The following PCDH11X variants were observed in gnomAD, a reference collection of about 807,000 sequenced individuals.
PCDH11X encodes the protein protocadherin-11 X-linked.
A neutral mutation model predicts 53.3 loss-of-function variants in PCDH11X; 18 were observed. The ratio of observed to expected loss-of-function variants is 0.34; its 90% confidence interval spans 0.23 to 0.50. PCDH11X has a LOEUF of 0.50. Ranked by LOEUF, PCDH11X falls within the 20% of genes least tolerant of loss-of-function variation. The pLI, the probability that PCDH11X is intolerant of heterozygous loss-of-function variation, is 0.98. For missense variants in PCDH11X, 570 were observed against 1,032.4 expected (o/e 0.55, Z 6.14); for synonymous variants, 279 against 393.3 (o/e 0.71, Z 3.44).
intron 6 of PCDH11X, among the ~76,000 whole-genome samples, chrX:91,976,673 A>G (rs1343321172): frequency 1.8e-5 from 2 of 111,169 alleles, no homozygotes; most frequent in Non-Finnish European, 3.8e-5. Flanking sequence ...TCTTTCTTTT[A>G]TGCTATCTAG....
chrX:92,471,605 A>G (rs1242711254), intron 10 of PCDH11X, among the ~76,000 whole-genome samples: 2 of 111,524 alleles, frequency 1.8e-5, no homozygotes, highest in Admixed American at 9.6e-5. Flanking sequence ...AGAATGATTT[A>G]TATTCCTTTG....
intron 10 of PCDH11X, among the ~76,000 whole-genome samples, chrX:92,537,305 C>A (rs1156515265): frequency 1.9e-5 from 2 of 107,963 alleles, no homozygotes; most frequent in Non-Finnish European, 3.8e-5. Context: ...TTTTCCCCCC[C>A]AAAAGTGAAA....
chrX:92,409,161 G>A (rs1254599589), intron 9 of PCDH11X, among the ~76,000 whole-genome samples: 1 of 105,973 alleles, frequency 9.4e-6, no homozygotes, highest in African/African-American at 3.6e-5. Context: ...CTTGATTGAG[G>A]CTTTACTTAT....
rs765058906 is a variant in PCDH11X, at chrX:92,537,621, A to T, written c.3367+69299A>T. Among the ~76,000 whole-genome samples the T allele has an allele frequency of 2.9e-5, 3 of 102,513 alleles. No homozygotes were observed. In the South Asian group the frequency reaches 1.4e-3, roughly 49 times the overall value. The allele number at this position is 102,513 out of a possible 115,157, so 89.0% of individuals were successfully genotyped here. On this transcript the variant is annotated intron_variant, in intron 10 of 10. Transcript: ENST00000682573. Reference sequence around the variant, plus strand: ...CCTGACTTGAAATTATACCACAGAGATATATGAACCCAAATAGCATAACAC... The same window carrying T: ...CCTGACTTGAAATTATACCACAGAGTTATATGAACCCAAATAGCATAACAC...
chrX:92,249,832 C>T (rs2148396269), intron 7 of PCDH11X, among the ~76,000 whole-genome samples: 1 of 111,347 alleles, frequency 9.0e-6, no homozygotes, highest in Non-Finnish European at 1.9e-5. Flanking sequence ...ATGCAGGATT[C>T]GTAAAAAATC....
chrX:92,611,701 G>T lies in PCDH11X; in HGVS notation c.3368-6563G>T, dbSNP rs773903937. On this transcript the variant is annotated intron_variant, in intron 10 of 10. Coordinates refer to ENST00000682573, the MANE Select transcript of PCDH11X (RefSeq NM_032968.5). ...CTTCTAGTTTTTGCCTGTTTAGTAT[G>T]ATGTTGGCTGTGGGTTTGTCATAGA... is the stretch of plus-strand genomic sequence containing the variant. Among the ~76,000 whole-genome samples the T allele has an allele frequency of 3.8e-3, 388 of 102,497 alleles. 1 individual carries two copies. Among genetic ancestry groups the T allele is most frequent in the African/African-American group, 0.013 (369 of 27,839 alleles). The allele number at this position is 102,497 out of a possible 115,157, so 89.0% of individuals were successfully genotyped here.
chrX:92,190,195 G>A (rs1404915771), intron 6 of PCDH11X, among the ~76,000 whole-genome samples: 3 of 111,015 alleles, frequency 2.7e-5, no homozygotes, highest in Non-Finnish European at 5.7e-5. Context: ...TATAGTTTTG[G>A]GTTTTACATA....
chrX:92,410,349 G>A (rs1330610229), intron 9 of PCDH11X, among the ~76,000 whole-genome samples: 1 of 100,994 alleles, frequency 9.9e-6, no homozygotes, highest in Non-Finnish European at 2.0e-5. Context: ...GTACAGGAAG[G>A]GGCTTTGCTT....
At chrX:92,397,550 C>A (rs1384805339) in intron 9 of PCDH11X, among the ~76,000 whole-genome samples, 1 of 108,601 alleles carries the variant, frequency 9.2e-6, no homozygotes, top group Admixed American at 1.0e-4. Context: ...TCACTGCAAC[C>A]TGGGAGGAGT....
At chrX:92,462,432 GGCCTT>G (rs1331402254) in intron 9 of PCDH11X, among the ~76,000 whole-genome samples, 6 of 111,032 alleles carry the variant, frequency 5.4e-5, no homozygotes, top group African/African-American at 2.0e-4. Context: ...ATTTAAAAAT[GGCCTT>G]AATTTAGAAT....
intron 7 of PCDH11X, among the ~76,000 whole-genome samples, chrX:92,212,504 C>G: frequency 9.0e-6 from 1 of 111,100 alleles, no homozygotes; most frequent in Non-Finnish European, 1.9e-5. Context: ...GCGTGTGCCA[C>G]CATGCCTGGC....
At chrX:92,553,126 G>T (rs2074989378) in intron 10 of PCDH11X, among the ~76,000 whole-genome samples, 1 of 107,384 alleles carries the variant, frequency 9.3e-6, no homozygotes, top group African/African-American at 3.4e-5. Flanking sequence ...CTATTTTTAA[G>T]AATTGTTTGA....
intron 9 of PCDH11X, among the ~76,000 whole-genome samples, chrX:92,441,326 C>A (rs1192319578): frequency 9.0e-6 from 1 of 110,780 alleles, no homozygotes; most frequent in Non-Finnish European, 1.9e-5. Context: ...TGTTAATCAC[C>A]AAGACAATGG....
chrX:92,015,303 G>A (rs1350366427), intron 6 of PCDH11X, among the ~76,000 whole-genome samples: 1 of 111,461 alleles, frequency 9.0e-6, no homozygotes, highest in African/African-American at 3.3e-5. Context: ...CTAATGGGGT[G>A]GTGGATGCTG....
chrX:92,545,261 T>C (rs770279020), intron 10 of PCDH11X, among the ~76,000 whole-genome samples: 3 of 110,604 alleles, frequency 2.7e-5, no homozygotes, highest in South Asian at 7.7e-4. Context: ...GAGTGACTTA[T>C]AATTTAGAGG....
chrX:92,570,526 T>C (rs1010657969), intron 10 of PCDH11X, among the ~76,000 whole-genome samples: 37 of 106,713 alleles, frequency 3.5e-4, no homozygotes, highest in Non-Finnish European at 6.2e-4. Context: ...CTCTTCACTG[T>C]ATGCAAAAGT....
chrX:92,123,360 C>T (rs965799954), intron 6 of PCDH11X, among the ~76,000 whole-genome samples: 3 of 111,389 alleles, frequency 2.7e-5, no homozygotes, highest in African/African-American at 6.6e-5. Flanking sequence ...ATCATTGTCA[C>T]ACCACCTACT....
At chrX:92,046,646 T>C (rs6618830) in intron 6 of PCDH11X, among the ~76,000 whole-genome samples, 25,790 of 109,070 alleles carry the variant, frequency 0.24, 2,871 homozygotes, top group African/African-American at 0.43. Flanking sequence ...CCAAGGAAAA[T>C]GGTACTATTT....
chrX:92,574,986 T>C (rs967151386), intron 10 of PCDH11X, among the ~76,000 whole-genome samples: 1 of 110,774 alleles, frequency 9.0e-6, no homozygotes, highest in Admixed American at 9.7e-5. Flanking sequence ...ATTATATGAC[T>C]GTAAAAGTGC....
Sources: allele counts gnomAD v4.1 joint callset (sites outside exome capture counted in the v4.1 genomes callset), GRCh38; gene constraint gnomAD v4.1.1; transcripts MANE v1.5; gene names NCBI Gene and HGNC (gene_info 2026-07-23, HGNC 2026-07-21).